The following CAST variants were observed in gnomAD, a reference collection of about 807,000 sequenced individuals.
The protein encoded by CAST is calpastatin.
In CAST, 76 loss-of-function variants were observed where a neutral mutation model predicts 119.6. The ratio of observed to expected loss-of-function variants is 0.64; its 90% CI spans 0.53 to 0.77. CAST has a LOEUF of 0.77. Ranked by LOEUF, CAST falls within the 30% of genes least tolerant of loss-of-function variation. The pLI, the probability that CAST is intolerant of heterozygous loss-of-function variation, is 0.00. For missense variants in CAST, 953 were observed against 946.5 expected (o/e 1.01, Z -0.09); for synonymous variants, 319 against 331.6 (o/e 0.96, Z 0.41).
chr5:96,641,253 A>G (rs1430241165), intron 1 of CAST, among the ~76,000 whole-genome samples: 1 of 152,186 alleles, frequency 6.6e-6, no homozygotes, highest in African/African-American at 2.4e-5. Flanking sequence ...TTCTTTTCTA[A>G]TTTTGTCTAG....
chr5:96,402,059 C>T, the CAST span, among the ~76,000 whole-genome samples: 1 of 152,218 alleles, frequency 6.6e-6, no homozygotes, highest in South Asian at 2.1e-4. Flanking sequence ...CCTGTCTCAG[C>T]ACTCGGTTGG....
chr5:96,402,254 C>T, the CAST span, among the ~76,000 whole-genome samples: 1 of 152,212 alleles, frequency 6.6e-6, no homozygotes, highest in Non-Finnish European at 1.5e-5. Flanking sequence ...TTTCAAAGGT[C>T]TTACCTGGCA....
chr5:96,467,352 A>G, the CAST span, among the ~76,000 whole-genome samples: 1 of 151,894 alleles, frequency 6.6e-6, no homozygotes, highest in Non-Finnish European at 1.5e-5. Context: ...AGTTTTTTTA[A>G]TTGTTTCTTT....
chr5:96,426,685 C>T, the CAST span, among the ~76,000 whole-genome samples: 128 of 152,280 alleles, frequency 8.4e-4, 1 homozygote, highest in Middle Eastern at 3.4e-3. Flanking sequence ...ATTCTATACT[C>T]TTATTTTTCT....
the CAST span, among the ~76,000 whole-genome samples, chr5:96,056,102 C>A: frequency 6.6e-6 from 1 of 152,166 alleles, no homozygotes; most frequent in Non-Finnish European, 1.5e-5. Flanking sequence ...CCTTACCTCC[C>A]CCTAGTTATG....
At chr5:96,664,472 G>T (rs1749060198) in intron 1 of CAST, among the ~76,000 whole-genome samples, 1 of 151,744 alleles carries the variant, frequency 6.6e-6, no homozygotes, top group Non-Finnish European at 1.5e-5. Context: ...ATGTTGCCCA[G>T]GCTAGTCTAA....
chr5:96,324,938 C>T, the CAST span, among the ~76,000 whole-genome samples: 1 of 152,168 alleles, frequency 6.6e-6, no homozygotes, highest in African/African-American at 2.4e-5. Context: ...GGCACAGTGA[C>T]TCATGCCTGT....
the CAST span, chr5:96,410,727 C>T: frequency 1.4e-6 from 2 of 1,435,534 alleles, no homozygotes; most frequent in Middle Eastern, 1.8e-4. Flanking sequence ...CACATGCATG[C>T]CACGCTCTCC....
intron 1 of CAST, among the ~76,000 whole-genome samples, chr5:96,673,824 T>C (rs1359794399): frequency 1.3e-5 from 2 of 152,244 alleles, no homozygotes; most frequent in Non-Finnish European, 2.9e-5. Context: ...AATTATTCAA[T>C]AGATTGCCCT....
the CAST span, among the ~76,000 whole-genome samples, chr5:96,381,241 ATATGTTAAT>A: frequency 6.6e-5 from 10 of 152,174 alleles, no homozygotes; most frequent in African/African-American, 2.4e-4. Context: ...TTTCATAAAA[ATATGTTAAT>A]TATGTTAATA....
At chr5:96,581,982 T>C (rs1319212501) in intron 1 of CAST, among the ~76,000 whole-genome samples, 1 of 152,168 alleles carries the variant, frequency 6.6e-6, no homozygotes, top group African/African-American at 2.4e-5. Context: ...AAAAGAGAAC[T>C]TTCTAATAAA....
At chr5:96,399,877 T>C in the CAST span, 1 of 1,167,496 alleles carries the variant, frequency 8.6e-7, no homozygotes. Context: ...TACAAAAAAA[T>C]CAGGCAGAAT....
the CAST span, among the ~76,000 whole-genome samples, chr5:96,056,847 A>G: frequency 1.3e-5 from 2 of 152,150 alleles, no homozygotes; most frequent in Non-Finnish European, 2.9e-5. Context: ...GAGACTTGGT[A>G]TAATCTCTAT....
chr5:96,252,360 G>A, the CAST span, among the ~76,000 whole-genome samples: 5 of 152,156 alleles, frequency 3.3e-5, no homozygotes, highest in African/African-American at 4.8e-5. Context: ...CATTCAGTTA[G>A]TACCTACTAT....
At chr5:96,401,261 A>G in the CAST span, among the ~76,000 whole-genome samples, 1 of 152,146 alleles carries the variant, frequency 6.6e-6, no homozygotes, top group African/African-American at 2.4e-5. Flanking sequence ...GGGGAGAAAT[A>G]TTTGAGCTGG....
chr5:96,346,777 A>AC, the CAST span, among the ~76,000 whole-genome samples: 1 of 151,794 alleles, frequency 6.6e-6, no homozygotes, highest in African/African-American at 2.4e-5. Flanking sequence ...CTGTTCTGTG[A>AC]CCCCCATCTG....
chr5:96,582,484 C>T (rs999072419), intron 1 of CAST, among the ~76,000 whole-genome samples: 1 of 152,216 alleles, frequency 6.6e-6, no homozygotes, highest in Admixed American at 6.5e-5. Context: ...GCGTCAAACA[C>T]TCTGAGCATA....
the CAST span, among the ~76,000 whole-genome samples, chr5:96,230,941 T>C: frequency 6.6e-6 from 1 of 152,160 alleles, no homozygotes; most frequent in Non-Finnish European, 1.5e-5. Flanking sequence ...CACAACGAGA[T>C]ACTACTTCAC....
the CAST span, among the ~76,000 whole-genome samples, chr5:96,502,505 A>G: frequency 6.6e-6 from 1 of 152,006 alleles, no homozygotes; most frequent in Non-Finnish European, 1.5e-5. Context: ...TAATTAAAAA[A>G]CAGTGCATGT....
Sources: gnomAD v4.1 joint callset for allele counts (sites outside exome capture counted in the v4.1 genomes callset) on GRCh38, gnomAD v4.1.1 for gene constraint, MANE v1.5 for transcripts, NCBI Gene and HGNC (gene_info 2026-07-23, HGNC 2026-07-21) for gene names.